Variants in CPS1 observed in about 807,000 individuals in gnomAD.
CPS1 encodes the protein carbamoyl-phosphate synthase [ammonia], mitochondrial.
In CPS1, 109 loss-of-function variants were observed where a neutral mutation model predicts 174.6. That is an observed-to-expected ratio of 0.62 (90% CI 0.53 to 0.73). The LOEUF is 0.73. Ranked by LOEUF, CPS1 falls within the 30% of genes least tolerant of loss-of-function variation. CPS1 has a pLI of 0.00. For missense variants in CPS1, 1,689 were observed against 1,821.9 expected (o/e 0.93, Z 1.33); for synonymous variants, 637 against 632.0 (o/e 1.01, Z -0.12).
intron 7 of CPS1, 52 bp from the exon 8 acceptor site, chr2:210,590,054 T>A: frequency 6.2e-7 from 1 of 1,610,384 alleles, no homozygotes; most frequent in Non-Finnish European, 8.5e-7. Flanking sequence ...AAAATTATAC[T>A]TTGGCAAAGA....
intron 1 of CPS1, among the ~76,000 whole-genome samples, chr2:210,500,746 C>T (rs557875053): frequency 6.6e-5 from 10 of 152,274 alleles, no homozygotes; most frequent in African/African-American, 1.2e-4. Flanking sequence ...GTTTTCCAGG[C>T]GTACTGTGAA....
chr2:210,481,514 G>T (rs1170011115), intron 1 of CPS1, among the ~76,000 whole-genome samples: 2 of 152,126 alleles, frequency 1.3e-5, no homozygotes, highest in Admixed American at 6.5e-5. Flanking sequence ...TATTACCAAA[G>T]CCCTGCATTG....
intron 1 of CPS1, among the ~76,000 whole-genome samples, chr2:210,489,102 C>T (rs1694798215): frequency 6.6e-6 from 1 of 152,150 alleles, no homozygotes; most frequent in Non-Finnish European, 1.5e-5. Flanking sequence ...GGTCTACCTG[C>T]ACTGCAAACT....
chr2:210,637,954 G>A, intron 22 of CPS1, 111 bp downstream of exon 22: 2 of 1,202,822 alleles, frequency 1.7e-6, no homozygotes, highest in Admixed American at 1.7e-5. Flanking sequence ...GAATTAAGAA[G>A]TGACAATACT....
At chr2:210,579,158 G>A (rs926756260) in intron 4 of CPS1, among the ~76,000 whole-genome samples, 8 of 151,930 alleles carry the variant, frequency 5.3e-5, no homozygotes, top group Non-Finnish European at 2.9e-5. Context: ...AAAGCCTCCC[G>A]TGGGATAGAA....
chr2:210,616,833 G>A (rs926586297), intron 21 of CPS1, among the ~76,000 whole-genome samples: 3 of 151,628 alleles, frequency 2.0e-5, no homozygotes, highest in Non-Finnish European at 2.9e-5. Context: ...ATTGATGAAC[G>A]TGTATTATTT....
intron 20 of CPS1, among the ~76,000 whole-genome samples, chr2:210,613,094 C>A (rs894710889): frequency 3.3e-5 from 5 of 151,776 alleles, no homozygotes; most frequent in African/African-American, 1.2e-4. Flanking sequence ...GCTCTACTGA[C>A]CATTTTATGT....
chr2:210,479,427 C>T lies in CPS1; in HGVS notation c.3+1661C>T, dbSNP rs369358819. ...CACTGCAACCTCTGACTCCCTGGTT[C>T]AAGCGATTCTCCTGCCTCAGCCTCC... On this transcript the variant is annotated intron_variant, in intron 1 of 38. Transcript: ENST00000430249. Among the ~76,000 whole-genome samples, 4 of 150,264 alleles carry T rather than the reference C, an allele frequency of 2.7e-5. No individual in the cohort carries two copies. The East Asian group carries it at 7.9e-4, about 30-fold the overall frequency.
At position 210,612,223 on chromosome 2, in the gene CPS1, GGC is replaced by G; in HGVS notation, c.2499_2500del (p.Trp833CysfsTer3). On this transcript the variant is annotated frameshift_variant, in exon 20 of 38. Transcript: ENST00000233072. LOFTEE classifies it high-confidence loss of function. ...CCCCGTCTCCCAATGAACAAAGAAT[GGC>G]CATCTAATTTAGATCTTAGAAAAGA... The G allele has an allele frequency of 6.2e-7, 1 of 1,612,208 alleles. No individual in the cohort carries two copies. The highest frequency in any genetic ancestry group is 1.7e-5 in the Admixed American group (1 of 59,818).
chr2:210,559,012 A>G (rs775229631), intron 1 of CPS1, among the ~76,000 whole-genome samples: 13 of 152,130 alleles, frequency 8.5e-5, no homozygotes, highest in South Asian at 4.1e-4. Context: ...TTAAAATTCC[A>G]TAGAACAGCC....
At chr2:210,674,778 T>G in intron 34 of CPS1, 124 bp from the exon 35 acceptor site, 3 of 826,676 alleles carry the variant, frequency 3.6e-6, no homozygotes, top group Non-Finnish European at 6.2e-6. Context: ...AACTTGTCAT[T>G]TTTTAATATA....
chr2:210,618,606 T>C (rs1283260631), intron 21 of CPS1: 1 of 152,086 alleles, frequency 6.6e-6, no homozygotes, highest in Non-Finnish European at 1.5e-5. Context: ...ATTAGATAAA[T>C]AACAAGAATA....
intron 1 of CPS1, among the ~76,000 whole-genome samples, chr2:210,510,895 G>A (rs1048371364): frequency 6.6e-6 from 1 of 152,178 alleles, no homozygotes; most frequent in Non-Finnish European, 1.5e-5. Flanking sequence ...GTGCTGAAGA[G>A]GATGTGGAGA....
rs185192337 is a variant in CPS1 at position 210,504,261 on chromosome 2, C to T, written c.3+26495C>T. Among the ~76,000 whole-genome samples, 621 of 152,240 alleles carry T rather than the reference C, an allele frequency of 4.1e-3. 3 individuals carry two copies. Among genetic ancestry groups the T allele is most frequent in the Middle Eastern group, 6.8e-3 (2 of 294 alleles). ...TTTCCATCTAGCAGCATCAGGTTCC[C>T]ATCTTCATTAAGAAACAAAACAACC... On this transcript the variant is annotated intron_variant, in intron 1 of 38. Transcript: ENST00000430249.
Position 210,663,145 on chromosome 2 carries a change from G to T in CPS1, c.3950G>T (p.Arg1317Leu). 6.2e-7 allele frequency: 1 copy of T among 1,613,474 alleles called. No homozygotes were observed. The highest frequency in any genetic ancestry group is 8.5e-7 in the Non-Finnish European group (1 of 1,179,920). Residue 1317 changes from arginine (R) to leucine (L), a missense_variant, in exon 33 of 38, where the codon CGG (arginine) becomes CTG (leucine). Arg to Leu is a moderately radical substitution (Grantham distance 102). Coordinates refer to ENST00000233072, the MANE Select transcript of CPS1 (RefSeq NM_001875.5). Reference protein sequence around the residue: ...AIKAPMFSWPRLRDADPILRC... With the variant: ...AIKAPMFSWPLLRDADPILRC... ...CAGGCTCCCATGTTTTCCTGGCCCC[G>T]GTTGAGGGATGCTGACCCCATTCTG...
At chr2:210,574,047 C>G (rs796861689) in intron 2 of CPS1, among the ~76,000 whole-genome samples, 6 of 152,046 alleles carry the variant, frequency 3.9e-5, no homozygotes, top group African/African-American at 1.4e-4. Flanking sequence ...AATTAAGTGG[C>G]TGCTTTTACC....
Position 210,602,257 on chromosome 2 carries a change from C to G in CPS1, c.1763C>G (p.Ser588Cys). 6.2e-7 allele frequency: 1 copy of G among 1,612,532 alleles called. No individual in the cohort carries two copies. Among genetic ancestry groups the G allele is most frequent in the Non-Finnish European group, 8.5e-7 (1 of 1,179,084 alleles). The change falls in exon 16 of 38, where the codon TCC becomes TGC. Residue 588 changes from serine (S) to cysteine (C), a missense_variant. Ser to Cys is a moderately radical substitution (Grantham distance 112, BLOSUM62 -1). Coordinates refer to ENST00000233072, the MANE Select transcript of CPS1 (RefSeq NM_001875.5). ...DTIGYPVMIR[S>C]AYALGGLGSG... ...ATTGGCTACCCAGTGATGATCCGTT[C>G]CGCCTATGCACTGGGTGGGTTAGGC...
At chr2:210,520,118 T>C (rs1199827520) in intron 1 of CPS1, among the ~76,000 whole-genome samples, 1 of 152,080 alleles carries the variant, frequency 6.6e-6, no homozygotes, top group Non-Finnish European at 1.5e-5. Context: ...TTGATTTTGC[T>C]AAATTTATAT....
At chr2:210,484,589 A>G (rs1433717849) in intron 1 of CPS1, among the ~76,000 whole-genome samples, 9 of 152,170 alleles carry the variant, frequency 5.9e-5, no homozygotes, top group Admixed American at 5.9e-4. Flanking sequence ...GGCCTCCCAG[A>G]TAGTATCAAG....
Sources: allele counts gnomAD v4.1 joint callset (sites outside exome capture counted in the v4.1 genomes callset), GRCh38; gene constraint gnomAD v4.1.1; transcripts MANE v1.5; gene names NCBI Gene and HGNC (gene_info 2026-07-23, HGNC 2026-07-21).